The following ZNF385B variants were observed in gnomAD, a reference collection of about 807,000 sequenced individuals.
The protein encoded by ZNF385B is zinc finger protein 385B.
ZNF385B carries 23 observed loss-of-function variants against 39.2 expected under a neutral mutation model. The ratio of observed to expected loss-of-function variants is 0.59; its 90% confidence interval spans 0.42 to 0.83. The LOEUF is 0.83. Among genes scored for constraint, ZNF385B ranks in the 40% least tolerant of loss-of-function variants. The pLI, the probability that ZNF385B is intolerant of heterozygous loss-of-function variation, is 0.00. For synonymous variants in ZNF385B, 205 were observed against 222.6 expected (o/e 0.92, Z 0.70); for missense variants, 552 against 598.9 (o/e 0.92, Z 0.82).
intron 3 of ZNF385B, among the ~76,000 whole-genome samples, chr2:179,557,007 T>C (rs541312087): frequency 6.7e-6 from 1 of 149,428 alleles, no homozygotes; most frequent in South Asian, 2.1e-4. Flanking sequence ...AGTGTAACAA[T>C]GTTACTCAAG....
intron 3 of ZNF385B, among the ~76,000 whole-genome samples, chr2:179,734,903 C>T (rs968204394): frequency 1.4e-4 from 21 of 152,030 alleles, no homozygotes; most frequent in Non-Finnish European, 2.4e-4. Flanking sequence ...AAGACTTAAA[C>T]GTCAGACCTA....
chr2:179,681,506 T>G (rs7424112), intron 3 of ZNF385B, among the ~76,000 whole-genome samples: 7,938 of 152,228 alleles, frequency 0.052, 243 homozygotes, highest in Middle Eastern at 0.061. Context: ...GTTAGACAAA[T>G]GGATTGAAAT....
At chr2:179,813,619 C>T (rs190309743) in intron 1 of ZNF385B, among the ~76,000 whole-genome samples, 1 of 152,098 alleles carries the variant, frequency 6.6e-6, no homozygotes, top group Non-Finnish European at 1.5e-5. Context: ...AAGTGACATC[C>T]ACCCTATAGT....
At chr2:179,741,165 T>A (rs924822174) in intron 3 of ZNF385B, among the ~76,000 whole-genome samples, 2 of 152,112 alleles carry the variant, frequency 1.3e-5, no homozygotes, top group African/African-American at 4.8e-5. Flanking sequence ...GACAGAGAAC[T>A]GAGGTGGCAT....
At chr2:179,512,163 A>C (rs536195245) in intron 5 of ZNF385B, among the ~76,000 whole-genome samples, 2 of 152,236 alleles carry the variant, frequency 1.3e-5, no homozygotes, top group East Asian at 3.9e-4. Context: ...CCATGCTTTC[A>C]TTTTGATTTG....
rs1002520650 is a variant in ZNF385B, at chr2:179,780,778, A to C, written c.-154-10106T>G. Among the ~76,000 whole-genome samples, 3 of 152,232 alleles carry C rather than the reference A, an allele frequency of 2.0e-5. No homozygotes were observed. In the East Asian group the frequency reaches 5.8e-4, roughly 29 times the overall value. ...TGTAAGGATAATTTTTCCAAAACTGACATTTAGAAATATTTGAGAAATTTT... is the reference window on the plus strand; with the variant it reads ...TGTAAGGATAATTTTTCCAAAACTGCCATTTAGAAATATTTGAGAAATTTT... On this transcript the variant is annotated intron_variant, in intron 1 of 9. Coordinates refer to ENST00000410066, the MANE Select transcript of ZNF385B (RefSeq NM_152520.6).
At chr2:179,766,016 C>A (rs1703667537) in intron 3 of ZNF385B, among the ~76,000 whole-genome samples, 1 of 125,798 alleles carries the variant, frequency 7.9e-6, no homozygotes, top group Non-Finnish European at 1.7e-5. Context: ...CCCTTGCTCA[C>A]TTTGGTACAT....
At chr2:179,638,293 G>T (rs1691944574) in intron 3 of ZNF385B, among the ~76,000 whole-genome samples, 1 of 152,062 alleles carries the variant, frequency 6.6e-6, no homozygotes, top group Non-Finnish European at 1.5e-5. Flanking sequence ...AGAAGAAAAA[G>T]GAAGAACTAA....
rs545009327 is a variant in ZNF385B, at chr2:179,487,402, T to C, written c.553-3968A>G. Among the ~76,000 whole-genome samples the C allele has an allele frequency of 2.0e-4, 30 of 152,372 alleles. No homozygotes were observed. In the East Asian group the frequency reaches 5.6e-3, roughly 28 times the overall value. On this transcript the variant is annotated intron_variant, in intron 5 of 9. Coordinates refer to ENST00000410066, the MANE Select transcript of ZNF385B (RefSeq NM_152520.6). ...CATCTTTCCCATTCTCCTGTGGTAT[T>C]CTTAGTAGTGGCACTTTGCTATCCC...
chr2:179,807,412 A>G (rs769403597), intron 1 of ZNF385B, among the ~76,000 whole-genome samples: 12 of 152,040 alleles, frequency 7.9e-5, no homozygotes, highest in East Asian at 1.9e-4. Flanking sequence ...AGCCTGGCCA[A>G]CATGGTGAAA....
chr2:179,792,003 C>A (rs1705357863), intron 1 of ZNF385B, among the ~76,000 whole-genome samples: 1 of 152,136 alleles, frequency 6.6e-6, no homozygotes, highest in Non-Finnish European at 1.5e-5. Context: ...CTCAAGTGAC[C>A]CACCTGCCTT....
At chr2:179,860,090 G>C (rs1487856810) in intron 1 of ZNF385B, among the ~76,000 whole-genome samples, 2 of 152,126 alleles carry the variant, frequency 1.3e-5, no homozygotes, top group African/African-American at 4.8e-5. Flanking sequence ...CCTTCTATAG[G>C]AACATCTTTT....
chr2:179,614,318 C>T (rs1689550627), intron 3 of ZNF385B, among the ~76,000 whole-genome samples: 1 of 151,534 alleles, frequency 6.6e-6, no homozygotes, highest in Non-Finnish European at 1.5e-5. Flanking sequence ...TTTTTTTTCT[C>T]ACTGTTCTAT....
chr2:179,701,012 C>CA (rs574926645), intron 3 of ZNF385B, among the ~76,000 whole-genome samples: 3 of 151,946 alleles, frequency 2.0e-5, no homozygotes, highest in East Asian at 1.9e-4. Flanking sequence ...GACTCCATTT[C>CA]AAAAAAACAA....
At chr2:179,474,457 T>C (rs1229136613) in intron 6 of ZNF385B, among the ~76,000 whole-genome samples, 1 of 152,180 alleles carries the variant, frequency 6.6e-6, no homozygotes, top group Non-Finnish European at 1.5e-5. Context: ...CCATGATTAC[T>C]TTTGCATTAA....
chr2:179,668,893 G>C (rs1440559615), intron 3 of ZNF385B, among the ~76,000 whole-genome samples: 1 of 152,074 alleles, frequency 6.6e-6, no homozygotes, highest in African/African-American at 2.4e-5. Flanking sequence ...GGAAAATAAA[G>C]AATTTTGGGC....
In ZNF385B at chr2:179,781,226, C is replaced by T. The variant is rs1235500733; in HGVS notation, c.-154-10554G>A. Among the ~76,000 whole-genome samples the T allele has an allele frequency of 3.3e-5, 5 of 152,150 alleles. No homozygotes were observed. In the East Asian group the frequency reaches 9.6e-4, roughly 29 times the overall value. On this transcript the variant is annotated intron_variant, in intron 1 of 9. Coordinates refer to ENST00000410066, the MANE Select transcript of ZNF385B (RefSeq NM_152520.6). The stretch of plus-strand genomic sequence containing the variant: ...GAACAATGAAGATGCAGGACTTACA[C>T]TAAGAGACATCACAGCATATTATGA...
intron 3 of ZNF385B, among the ~76,000 whole-genome samples, chr2:179,750,746 T>C (rs551479635): frequency 1.3e-3 from 196 of 152,248 alleles, no homozygotes; most frequent in African/African-American, 4.5e-3. Context: ...AATAAGTATA[T>C]TGTAAATACT....
intron 3 of ZNF385B, among the ~76,000 whole-genome samples, chr2:179,667,767 T>TG (rs398090900): frequency 1.7e-5 from 1 of 57,144 alleles, no homozygotes; most frequent in African/African-American, 8.5e-5. Context: ...CAACATACAG[T>TG]GCAGAGATGA....
Sources: gnomAD v4.1 joint callset for allele counts (sites outside exome capture counted in the v4.1 genomes callset) on GRCh38, gnomAD v4.1.1 for gene constraint, MANE v1.5 for transcripts, NCBI Gene and HGNC (gene_info 2026-07-23, HGNC 2026-07-21) for gene names.